The following TRPS1 variants were observed in gnomAD, a reference collection of about 807,000 sequenced individuals.
The protein encoded by TRPS1 is zinc finger transcription factor Trps1.
TRPS1 carries 6 observed loss-of-function variants against 101.2 expected under a neutral mutation model. The ratio of observed to expected loss-of-function variants is 0.06; its 90% CI spans 0.03 to 0.12. The LOEUF (loss-of-function observed/expected upper bound fraction) is 0.12, where lower values mean the gene tolerates loss of function less well. Ranked by LOEUF, TRPS1 falls within the 10% of genes least tolerant of loss-of-function variation. TRPS1 has a pLI of 1.00. For missense variants in TRPS1, 1,363 were observed against 1,567.0 expected, an observed-to-expected ratio of 0.87 and a Z score of 2.20; for synonymous variants, 578 against 589.8, an observed-to-expected ratio of 0.98 and a Z score of 0.29.
chr8:115,414,896 A>T lies in TRPS1; in HGVS notation c.3012T>A (p.Ser1004Arg). 1 of 1,611,572 alleles carries T rather than the reference A, an allele frequency of 6.2e-7. No individual in the cohort carries two copies. The highest frequency in any genetic ancestry group is 8.5e-7 in the Non-Finnish European group (1 of 1,178,666). ...TGGGGAGTGGAATTTCTCTCTGGTGACTTTCAGTTAGATGATCTTCTGACC... is the reference window on the plus strand; with the variant it reads ...TGGGGAGTGGAATTTCTCTCTGGTGTCTTTCAGTTAGATGATCTTCTGACC... ...ERRSEDHLTE[S>R]HQREIPLPSL... The change falls in exon 7 of 7, where the codon AGT becomes AGA. Residue 1004 changes from serine to arginine, a missense_variant. By Grantham distance (110) the Ser-to-Arg change is moderately radical. Coordinates refer to ENST00000395715, the MANE Select transcript of TRPS1 (RefSeq NM_014112.5). This position sits in a 1 kb window ranked among gnomAD's most constrained non-coding sequence, Gnocchi z 4.8.
chr8:115,450,852 T>A (rs953790468), intron 5 of TRPS1, among the ~76,000 whole-genome samples: 2 of 152,220 alleles, frequency 1.3e-5, no homozygotes, highest in African/African-American at 2.4e-5. Context: ...AGATCCATAA[T>A]GCATCCTTTT....
intron 5 of TRPS1, among the ~76,000 whole-genome samples, chr8:115,527,325 T>C (rs925038648): frequency 6.6e-6 from 1 of 152,080 alleles, no homozygotes; most frequent in South Asian, 2.1e-4. Context: ...CCTGCTATTT[T>C]TCAGATGTGC....
intron 4 of TRPS1, among the ~76,000 whole-genome samples, chr8:115,601,792 C>T (rs1217426880): frequency 1.3e-5 from 2 of 152,120 alleles, no homozygotes; most frequent in Non-Finnish European, 2.9e-5. Flanking sequence ...TCAGCTTATT[C>T]ATAACTACTG....
At chr8:115,635,412 A>T (rs1459769276) in intron 1 of TRPS1, among the ~76,000 whole-genome samples, 1 of 152,150 alleles carries the variant, frequency 6.6e-6, no homozygotes, top group Admixed American at 6.6e-5. Flanking sequence ...TGATGCTCCT[A>T]AGTCAAAACT....
intron 5 of TRPS1, among the ~76,000 whole-genome samples, chr8:115,471,952 C>A (rs750913633): frequency 6.6e-4 from 101 of 152,232 alleles, no homozygotes; most frequent in Non-Finnish European, 1.3e-3. Flanking sequence ...GGGTACAGCT[C>A]TGCTCCCAGC....
At chr8:115,447,817 A>C (rs1813774957) in intron 5 of TRPS1, among the ~76,000 whole-genome samples, 1 of 152,176 alleles carries the variant, frequency 6.6e-6, no homozygotes, top group South Asian at 2.1e-4. Flanking sequence ...ACCTACTATG[A>C]AATCACTGTA....
intron 5 of TRPS1, among the ~76,000 whole-genome samples, chr8:115,440,447 G>T (rs1029157629): frequency 6.6e-6 from 1 of 152,218 alleles, no homozygotes; most frequent in African/African-American, 2.4e-5. Context: ...CTCCTCTCAT[G>T]TCATCAGGAA....
chr8:115,551,306 G>A (rs557460933), intron 5 of TRPS1, among the ~76,000 whole-genome samples: 1 of 152,164 alleles, frequency 6.6e-6, no homozygotes, highest in Non-Finnish European at 1.5e-5. Context: ...AGAGCTTTAG[G>A]ATTGAGTTTC....
At chr8:115,638,959 T>C (rs1450197590) in intron 1 of TRPS1, among the ~76,000 whole-genome samples, 2 of 152,200 alleles carry the variant, frequency 1.3e-5, no homozygotes, top group Admixed American at 6.5e-5. Flanking sequence ...TGCTAACAGG[T>C]AGCACACAAA....
intron 5 of TRPS1, among the ~76,000 whole-genome samples, chr8:115,583,857 T>C (rs1379081091): frequency 6.6e-6 from 1 of 151,948 alleles, no homozygotes; most frequent in African/African-American, 2.4e-5. Context: ...ATAAATGATA[T>C]CATATTGAAC....
At chr8:115,636,612 A>C (rs886715553) in intron 1 of TRPS1, among the ~76,000 whole-genome samples, 1 of 152,150 alleles carries the variant, frequency 6.6e-6, no homozygotes, top group Admixed American at 6.5e-5. Flanking sequence ...ATTCCCTTGA[A>C]AGTAATCAGT....
At chr8:115,591,453 C>T (rs895300858) in intron 4 of TRPS1, among the ~76,000 whole-genome samples, 4 of 152,082 alleles carry the variant, frequency 2.6e-5, no homozygotes, top group Non-Finnish European at 4.4e-5. Flanking sequence ...TATACAAGGT[C>T]CTAGGTCCCT....
In TRPS1 at chr8:115,473,023, T is replaced by A. The variant is rs965257855; in HGVS notation, c.2701-54571A>T. Reference sequence around the variant, plus strand: ...AAGTTTCCCACATCTTCCTGTCTTCTGAGCCTTCCAAACTGTTCCAACCTC... The same window carrying A: ...AAGTTTCCCACATCTTCCTGTCTTCAGAGCCTTCCAAACTGTTCCAACCTC... On this transcript the variant is annotated intron_variant, in intron 5 of 6. Transcript: ENST00000395715. Among the ~76,000 whole-genome samples the A allele has an allele frequency of 3.3e-5, 5 of 152,202 alleles. No homozygotes were observed. In the East Asian group the frequency reaches 9.6e-4, roughly 29 times the overall value.
At chr8:115,498,411 C>CTA (rs1563554161) in intron 5 of TRPS1, among the ~76,000 whole-genome samples, 152 of 72,612 alleles carry the variant, frequency 2.1e-3, no homozygotes, top group Middle Eastern at 7.8e-3. Context: ...CTCTCTCTCT[C>CTA]TCTCTATATA....
chr8:115,566,088 A>G (rs1417365498), intron 5 of TRPS1, among the ~76,000 whole-genome samples: 1 of 152,178 alleles, frequency 6.6e-6, no homozygotes. Flanking sequence ...ATATTGAATT[A>G]CCATAACATC....
At chr8:115,450,509 GCTGA>G (rs138677482) in intron 5 of TRPS1, among the ~76,000 whole-genome samples, 1,744 of 151,636 alleles carry the variant, frequency 0.012, 9 homozygotes, top group African/African-American at 0.023. Context: ...TAGCTAATGC[GCTGA>G]CTCTTTTTTT....
At chr8:115,540,740 C>A (rs913665013) in intron 5 of TRPS1, among the ~76,000 whole-genome samples, 4 of 151,780 alleles carry the variant, frequency 2.6e-5, no homozygotes, top group Non-Finnish European at 5.9e-5. Context: ...TACCAGTTGT[C>A]TTTTTTACAT....
intron 1 of TRPS1, among the ~76,000 whole-genome samples, chr8:115,642,533 C>T (rs1295237252): frequency 6.6e-6 from 1 of 151,956 alleles, no homozygotes; most frequent in Non-Finnish European, 1.5e-5. Flanking sequence ...CTCATCAATA[C>T]ACTCCATAAG....
At chr8:115,645,499 CT>C (rs961945789) in intron 1 of TRPS1, among the ~76,000 whole-genome samples, 2 of 151,976 alleles carry the variant, frequency 1.3e-5, no homozygotes, top group African/African-American at 2.4e-5. Context: ...AATACTACCC[CT>C]CAAGAAAGGT....
Sources: gnomAD v4.1 joint callset for allele counts (sites outside exome capture counted in the v4.1 genomes callset) on GRCh38, gnomAD v4.1.1 for gene constraint, Gnocchi (gnomAD v3.1) non-coding constraint, MANE v1.5 for transcripts, NCBI Gene and HGNC (gene_info 2026-07-23, HGNC 2026-07-21) for gene names.